The following SNX9 variants were observed in gnomAD, a reference collection of about 807,000 sequenced individuals.
The protein encoded by SNX9 is sorting nexin-9.
SNX9 carries 44 observed loss-of-function variants against 89.4 expected under a neutral mutation model. The observed-to-expected ratio is 0.49, with a 90% CI of 0.39 to 0.63. SNX9 has a LOEUF of 0.63. Among genes scored for constraint, SNX9 ranks in the 30% least tolerant of loss-of-function variants. The pLI is 0.00. For synonymous variants in SNX9, 236 were observed against 247.8 expected, an observed-to-expected ratio of 0.95 and a Z score of 0.45; for missense variants, 578 against 736.1, an observed-to-expected ratio of 0.79 and a Z score of 2.49.
intron 10 of SNX9, among the ~76,000 whole-genome samples, chr6:157,922,067 A>C (rs1406515042): frequency 6.6e-6 from 1 of 152,206 alleles, no homozygotes; most frequent in Non-Finnish European, 1.5e-5. Flanking sequence ...ATGGCAGGAA[A>C]GGGAGAGGCA....
chr6:157,912,590 C>A (rs1389065918), intron 9 of SNX9, among the ~76,000 whole-genome samples: 2 of 152,136 alleles, frequency 1.3e-5, no homozygotes, highest in African/African-American at 4.8e-5. Flanking sequence ...TTGTGTGCCT[C>A]CTGCCTGGGA....
chr6:157,853,845 G>T (rs567242949), intron 1 of SNX9, among the ~76,000 whole-genome samples: 7 of 151,416 alleles, frequency 4.6e-5, no homozygotes, highest in African/African-American at 1.7e-4. Flanking sequence ...GGCCATATGT[G>T]CCGGTCCCTA....
At chr6:157,859,391 A>G (rs188778949) in intron 1 of SNX9, among the ~76,000 whole-genome samples, 2 of 152,290 alleles carry the variant, frequency 1.3e-5, no homozygotes, top group Admixed American at 1.3e-4. Flanking sequence ...TTGACCATGT[A>G]TTCATTCCAT....
chr6:157,934,622 ATTCTAAAAC>A (rs1190011342), intron 13 of SNX9, among the ~76,000 whole-genome samples: 1 of 152,214 alleles, frequency 6.6e-6, no homozygotes, highest in Non-Finnish European at 1.5e-5. Context: ...TGGTATTGTT[ATTCTAAAAC>A]TTCTAAAACT....
intron 3 of SNX9, chr6:157,874,753 T>G (rs1334586224): frequency 8.2e-6 from 2 of 243,998 alleles, no homozygotes; most frequent in East Asian, 2.2e-4. Flanking sequence ...GGAATCACAC[T>G]AGAAATCAAA....
rs187386857 is a variant in SNX9, at chr6:157,857,418, G to A, written c.13-10129G>A. Among the ~76,000 whole-genome samples the A allele has an allele frequency of 1.5e-4, 23 of 151,758 alleles. No homozygotes were observed. The East Asian group carries it at 3.7e-3, about 24-fold the overall frequency. ...TTCCTTTTAATGAAAAATGCTGCTC[G>A]GAATTCCCAATCTGGGCACTAGATA... On this transcript the variant is annotated intron_variant, in intron 1 of 17. Coordinates refer to ENST00000392185, the MANE Select transcript of SNX9 (RefSeq NM_016224.5).
At chr6:157,916,137 C>T (rs550622545) in intron 9 of SNX9, among the ~76,000 whole-genome samples, 1 of 152,034 alleles carries the variant, frequency 6.6e-6, no homozygotes, top group South Asian at 2.1e-4. Context: ...TGGGTTCACA[C>T]CATTTTCGTG....
intron 1 of SNX9, among the ~76,000 whole-genome samples, chr6:157,836,108 T>TTTTGTTTG (rs536474855): frequency 1.3e-5 from 2 of 151,824 alleles, no homozygotes; most frequent in African/African-American, 4.8e-5. Context: ...ATATTTAATT[T>TTTTGTTTG]TTTGTTTGTT....
chr6:157,897,036 A>G (rs1020099609), intron 5 of SNX9, 38 bp downstream of exon 5: 4 of 1,447,076 alleles, frequency 2.8e-6, no homozygotes, highest in East Asian at 2.5e-5. Flanking sequence ...CTGCCCGCCC[A>G]TGGCTGAGTG....
At chr6:157,924,190 C>G (rs1224903278) in intron 10 of SNX9, among the ~76,000 whole-genome samples, 3 of 151,848 alleles carry the variant, frequency 2.0e-5, no homozygotes, top group Non-Finnish European at 1.5e-5. Flanking sequence ...GAGCAAAACT[C>G]TGTCTCAAAT....
chr6:157,867,499 A>C lies in SNX9; in HGVS notation c.13-48A>C, dbSNP rs373646683. On this transcript the variant is annotated intron_variant, in intron 1 of 17. Coordinates refer to ENST00000392185, the MANE Select transcript of SNX9 (RefSeq NM_016224.5). Reference sequence around the variant, plus strand: ...ACTGTACACCTTTTGTGTTTTTACTACTCTGTTTGTGTTTGTAACATCCTC... The same window carrying C: ...ACTGTACACCTTTTGTGTTTTTACTCCTCTGTTTGTGTTTGTAACATCCTC... 2.2e-4 allele frequency: 319 copies of C among 1,475,652 alleles called. 2 individuals are homozygous for C. The highest frequency in any genetic ancestry group is 6.0e-4 in the South Asian group (51 of 85,022). The allele number at this position is 1,475,652 out of a possible 1,614,324, so 91.4% of individuals were successfully genotyped here.
chr6:157,825,215 T>G (rs111971257), intron 1 of SNX9, among the ~76,000 whole-genome samples: 6 of 152,228 alleles, frequency 3.9e-5, no homozygotes, highest in African/African-American at 1.4e-4. Flanking sequence ...GCCACTGCAC[T>G]CCAGCCTGGG....
chr6:157,862,811 T>C (rs952618402), intron 1 of SNX9, among the ~76,000 whole-genome samples: 3 of 152,230 alleles, frequency 2.0e-5, no homozygotes, highest in Non-Finnish European at 4.4e-5. Context: ...GCCAGTGTTT[T>C]TTTAAATTAG....
intron 4 of SNX9, among the ~76,000 whole-genome samples, chr6:157,875,430 T>A (rs972286540): frequency 6.6e-6 from 1 of 152,166 alleles, no homozygotes; most frequent in Non-Finnish European, 1.5e-5. Flanking sequence ...TCTGTCATGA[T>A]ATGAACACAG....
chr6:157,896,817 C>T lies in SNX9; in HGVS notation c.301-10C>T, dbSNP rs2115164340. 1 of 1,612,072 alleles carries T rather than the reference C, an allele frequency of 6.2e-7. No homozygotes were observed. Among genetic ancestry groups the T allele is most frequent in the South Asian group, 1.1e-5 (1 of 90,590 alleles). On this transcript the variant is annotated splice_polypyrimidine_tract_variant and intron_variant, in intron 4 of 17. Transcript: ENST00000392185. ...ACAAAAATTCTCCTTCTTTTTACCC[C>T]TCTCAATAGGTTGGCAGTGGCAATG...
At chr6:157,837,822 G>C (rs1037264517) in intron 1 of SNX9, among the ~76,000 whole-genome samples, 1 of 152,178 alleles carries the variant, frequency 6.6e-6, no homozygotes, top group Non-Finnish European at 1.5e-5. Flanking sequence ...TGAAGCCGTC[G>C]TTGGCATTTA....
At chr6:157,939,103 G>A (rs1783983772) in intron 16 of SNX9, among the ~76,000 whole-genome samples, 1 of 151,988 alleles carries the variant, frequency 6.6e-6, no homozygotes, top group Non-Finnish European at 1.5e-5. Flanking sequence ...AATGTGAAGG[G>A]GTTTGGGTGT....
At position 157,909,803 on chromosome 6, in the gene SNX9, G is replaced by A. The variant is rs781132338; in HGVS notation, c.831+13G>A. ...GCTAACACCTACTGTAAGTATCCAC[G>A]TTATCAAAAGCAGAATCATGTTTGG... On this transcript the variant is annotated intron_variant, in intron 8 of 17. Coordinates refer to ENST00000392185, the MANE Select transcript of SNX9 (RefSeq NM_016224.5). 41 of 1,613,436 alleles carry A rather than the reference G, an allele frequency of 2.5e-5. No individual in the cohort carries two copies. Among genetic ancestry groups the A allele is most frequent in the Middle Eastern group, 1.6e-4 (1 of 6,080 alleles).
At chr6:157,827,923 G>A (rs184086610) in intron 1 of SNX9, among the ~76,000 whole-genome samples, 14 of 150,096 alleles carry the variant, frequency 9.3e-5, no homozygotes, top group South Asian at 2.1e-4. Flanking sequence ...GTGTTACACA[G>A]CTTGTCTGGT....
Sources: gnomAD v4.1 joint callset for allele counts (sites outside exome capture counted in the v4.1 genomes callset) on GRCh38, gnomAD v4.1.1 for gene constraint, MANE v1.5 for transcripts, NCBI Gene and HGNC (gene_info 2026-07-23, HGNC 2026-07-21) for gene names.